The following RAB23 variants were observed in gnomAD, a reference collection of about 807,000 sequenced individuals.
RAB23 encodes ras-related protein Rab-23.
A neutral mutation model predicts 30.0 loss-of-function variants in RAB23; 15 were observed. The observed-to-expected ratio is 0.50, with a 90% CI of 0.33 to 0.77. The LOEUF is 0.77. RAB23 is among the 30% of genes least tolerant of loss of function. RAB23 has a pLI of 0.02. For synonymous variants in RAB23, 93 were observed against 94.0 expected, an observed-to-expected ratio of 0.99 and a Z score of 0.06; for missense variants, 243 against 275.4, an observed-to-expected ratio of 0.88 and a Z score of 0.83.
chr6:57,215,305 G>C (rs1273177322), intron 1 of RAB23, among the ~76,000 whole-genome samples: 1 of 152,212 alleles, frequency 6.6e-6, no homozygotes, highest in African/African-American at 2.4e-5. Context: ...ACAGATTCAA[G>C]AAGCTGAGTA....
At chr6:57,214,803 C>G (rs753095545) in intron 1 of RAB23, among the ~76,000 whole-genome samples, 8 of 152,048 alleles carry the variant, frequency 5.3e-5, no homozygotes, top group Non-Finnish European at 1.2e-4. Context: ...CTCAGCACAC[C>G]AAGAACCAGG....
rs187541185 is a variant in RAB23 at position 57,210,344 on chromosome 6, C to T, written c.37G>A (p.Val13Met). The T allele has an allele frequency of 6.2e-7, 1 of 1,614,084 alleles. No homozygotes were observed. The highest frequency in any genetic ancestry group is 1.3e-5 in the African/African-American group (1 of 75,068). ...CCAACTGCTCCATTCCCTACAACCA[C>T]CATCTTTATGGCGACTTCCATATCT... ...EEDMEVAIKM[V>M]VVGNGAVGKS... The change falls in exon 2 of 7, where the codon GTG becomes ATG. Residue 13 changes from valine (V) to methionine (M), a missense_variant. Coordinates refer to ENST00000468148, the MANE Select transcript of RAB23 (RefSeq NM_016277.5).
intron 1 of RAB23, among the ~76,000 whole-genome samples, chr6:57,217,598 G>A (rs1449767112): frequency 1.3e-5 from 2 of 152,112 alleles, no homozygotes; most frequent in African/African-American, 4.8e-5. Flanking sequence ...GTGAGCCACC[G>A]TGCCCAGCCT....
chr6:57,209,262 C>G (rs1051069229), intron 2 of RAB23, among the ~76,000 whole-genome samples: 1 of 152,162 alleles, frequency 6.6e-6, no homozygotes, highest in Non-Finnish European at 1.5e-5. Flanking sequence ...CAAATGACCA[C>G]AAATGTACTA....
At chr6:57,196,077 A>G (rs1232434301) in intron 4 of RAB23, among the ~76,000 whole-genome samples, 1 of 152,184 alleles carries the variant, frequency 6.6e-6, no homozygotes, top group African/African-American at 2.4e-5. Context: ...AAATTCATCA[A>G]CATAGGATAG....
At chr6:57,193,529 G>A (rs1271026046) in intron 6 of RAB23, among the ~76,000 whole-genome samples, 2 of 152,124 alleles carry the variant, frequency 1.3e-5, no homozygotes, top group Middle Eastern at 3.2e-3. Context: ...GTAAGAAAGG[G>A]AAAAGGTAAG....
rs1764699426 is a variant in RAB23, at chr6:57,188,505, C to CAA, written c.*1954_*1955dup. On this transcript the variant is annotated 3_prime_UTR_variant, in exon 7 of 7. Transcript: ENST00000468148. The stretch of plus-strand genomic sequence containing the variant: ...AAAGAACTAACTAGAACACATATAA[C>CAA]AAGTGATTTTTCTGCCAATAAAGAC... The CAA allele has an allele frequency of 6.6e-6, 1 of 151,992 alleles. No individual in the cohort carries two copies. The highest frequency in any genetic ancestry group is 2.4e-5 in the African/African-American group (1 of 41,358). The allele number at this position is 151,992 out of a possible 1,614,324, so 9.4% of individuals were successfully genotyped here. A position where few individuals can be genotyped will look rare whatever the true frequency, so the allele number is the denominator to read the frequency against.
chr6:57,214,870 A>AAAAT (rs2128006442), intron 1 of RAB23, among the ~76,000 whole-genome samples: 1 of 152,360 alleles, frequency 6.6e-6, no homozygotes, highest in African/African-American at 2.4e-5. Flanking sequence ...GACAGACATT[A>AAAAT]GATTCATGTA....
intron 3 of RAB23, among the ~76,000 whole-genome samples, chr6:57,203,395 A>G (rs372210226): frequency 6.6e-6 from 1 of 152,246 alleles, no homozygotes; most frequent in African/African-American, 2.4e-5. Flanking sequence ...CTGCCACATC[A>G]AACTGTCAAA....
At chr6:57,210,728 G>C (rs1244328059) in intron 1 of RAB23, among the ~76,000 whole-genome samples, 4 of 152,274 alleles carry the variant, frequency 2.6e-5, no homozygotes, top group Non-Finnish European at 5.9e-5. Context: ...TTTGATGCCT[G>C]ATTATTTAAA....
At position 57,187,237 on chromosome 6, in the gene RAB23, A is replaced by C. The variant is rs374911374; in HGVS notation, c.*3224T>G. The C allele has an allele frequency of 3.9e-5, 6 of 152,216 alleles. No homozygotes were observed. The highest frequency in any genetic ancestry group is 5.9e-5 in the Non-Finnish European group (4 of 68,028). The allele number at this position is 152,216 out of a possible 1,614,324, so 9.4% of individuals were successfully genotyped here. A position where few individuals can be genotyped will look rare whatever the true frequency, so the allele number is the denominator to read the frequency against. The stretch of plus-strand genomic sequence containing the variant: ...ACCATTTACTAACATCCTACTGTAG[A>C]TATTTCGAGAGACAGATGAAAATAA... On this transcript the variant is annotated 3_prime_UTR_variant, in exon 7 of 7. Coordinates refer to ENST00000468148, the MANE Select transcript of RAB23 (RefSeq NM_016277.5).
rs191156537 is a variant in RAB23, at chr6:57,191,853, G to A, written c.575-1253C>T. ...AACAGTATTTCTGAGTTGTGTGTGT[G>A]TGTGTGTTTTAAGAGATAGGGTCTT... On this transcript the variant is annotated intron_variant, in intron 6 of 6. Transcript: ENST00000468148. 1.1e-3 allele frequency among the ~76,000 whole-genome samples: 166 copies of A among 151,594 alleles called. 1 individual carries two copies. Among genetic ancestry groups the A allele is most frequent in the South Asian group, 3.1e-3 (15 of 4,778 alleles).
At position 57,222,083 on chromosome 6, in the gene RAB23, A is replaced by T. The variant is rs1325787795; in HGVS notation, c.-423T>A. 6.6e-6 allele frequency: 1 copy of T among 152,350 alleles called. No homozygotes were observed. The highest frequency in any genetic ancestry group is 2.4e-5 in the African/African-American group (1 of 41,424). The allele number at this position is 152,350 out of a possible 1,614,324, so 9.4% of individuals were successfully genotyped here. The stretch of plus-strand genomic sequence containing the variant: ...CACCGGCTCCTCCTGGTCGCGGCGC[A>T]ACCGCTGCCGCCGCTGTCTCCTCCC... On this transcript the variant is annotated 5_prime_UTR_variant, in exon 1 of 7. Transcript: ENST00000468148.
intron 1 of RAB23, among the ~76,000 whole-genome samples, chr6:57,216,976 T>C (rs1312334392): frequency 1.3e-5 from 2 of 152,176 alleles, no homozygotes; most frequent in African/African-American, 2.4e-5. Context: ...CTTTACTGCA[T>C]CCTGTTTTGT....
intron 1 of RAB23, 21 bp from the exon 2 acceptor site, chr6:57,210,466 A>G: frequency 7.3e-7 from 1 of 1,376,786 alleles, no homozygotes; most frequent in Non-Finnish European, 1.0e-6. Context: ...AAATGAAATT[A>G]TTTTTTCATA....
At chr6:57,211,251 G>A (rs1358242402) in intron 1 of RAB23, among the ~76,000 whole-genome samples, 1 of 152,014 alleles carries the variant, frequency 6.6e-6, no homozygotes, top group African/African-American at 2.4e-5. Flanking sequence ...AGGAGTTTGA[G>A]ACTAGCCTGG....
chr6:57,195,150 A>G (rs1764975657), intron 4 of RAB23, among the ~76,000 whole-genome samples: 1 of 152,230 alleles, frequency 6.6e-6, no homozygotes, highest in Non-Finnish European at 1.5e-5. Context: ...AGACTTTTCT[A>G]TAAAGTCATT....
intron 6 of RAB23, 148 bp from the exon 7 acceptor site, chr6:57,190,748 C>A: frequency 9.9e-7 from 1 of 1,010,672 alleles, no homozygotes. Flanking sequence ...AGCATCTTAA[C>A]CATTTTTAGG....
intron 6 of RAB23, 81 bp from the exon 7 acceptor site, chr6:57,190,681 TA>T: frequency 6.6e-7 from 1 of 1,514,406 alleles, no homozygotes; most frequent in Non-Finnish European, 9.2e-7. Context: ...GTAAAATCAG[TA>T]ATATTTTCAA....
Sources: gnomAD v4.1 joint callset for allele counts (sites outside exome capture counted in the v4.1 genomes callset) on GRCh38, gnomAD v4.1.1 for gene constraint, MANE v1.5 for transcripts, NCBI Gene and HGNC (gene_info 2026-07-23, HGNC 2026-07-21) for gene names.